Variants in XXYLT1 observed in about 807,000 individuals in gnomAD.
XXYLT1 encodes xyloside xylosyltransferase 1.
Under a neutral mutation model 28.9 loss-of-function variants are expected in XXYLT1, and 20 were observed. The observed-to-expected ratio is 0.69, with a 90% confidence interval of 0.49 to 1.00. The LOEUF (loss-of-function observed/expected upper bound fraction) is 1.00. XXYLT1 is among the 50% of genes least tolerant of loss of function. The pLI, the probability that XXYLT1 is intolerant of heterozygous loss-of-function variation, is 0.00. For synonymous variants in XXYLT1, 257 were observed against 253.8 expected, an observed-to-expected ratio of 1.01 and a Z score of -0.12; for missense variants, 542 against 560.1, an observed-to-expected ratio of 0.97 and a Z score of 0.33.
chr3:195,088,167 C>T, intron 3 of XXYLT1, among the ~76,000 whole-genome samples: 1 of 151,652 alleles, frequency 6.6e-6, no homozygotes, highest in East Asian at 2.0e-4. Flanking sequence ...GAAGCTCGAA[C>T]TGGGTGGAGC....
At chr3:195,222,873 C>T (rs1436522130) in intron 2 of XXYLT1, among the ~76,000 whole-genome samples, 4 of 151,994 alleles carry the variant, frequency 2.6e-5, no homozygotes. Context: ...TAGGATAACT[C>T]CTACTTTGCC....
Position 195,115,956 on chromosome 3 carries a change from C to G in XXYLT1, c.785+40493G>C, listed in dbSNP as rs1560104444. On this transcript the variant is annotated intron_variant, in intron 3 of 3. Coordinates refer to ENST00000310380, the MANE Select transcript of XXYLT1 (RefSeq NM_152531.5). This position sits in a 1 kb window ranked among gnomAD's most constrained non-coding sequence, Gnocchi z 4.2. ...GGGCCGCTCAGGAGATGGCAGGAAA[C>G]TCAAGTCAGGCAGCTGAAGCATGCA... is the stretch of plus-strand genomic sequence containing the variant. 6.6e-6 allele frequency among the ~76,000 whole-genome samples: 1 copy of G among 152,142 alleles called. No individual in the cohort carries two copies. Among genetic ancestry groups the G allele is most frequent in the Non-Finnish European group, 1.5e-5 (1 of 68,032 alleles).
intron 3 of XXYLT1, among the ~76,000 whole-genome samples, chr3:195,131,981 A>G (rs1398340609): frequency 2.0e-5 from 3 of 152,216 alleles, no homozygotes; most frequent in African/African-American, 7.2e-5. Flanking sequence ...AGCAGGCCCA[A>G]GAGGAAGATG....
chr3:195,080,898 C>T (rs1715396825), intron 3 of XXYLT1, among the ~76,000 whole-genome samples: 1 of 152,198 alleles, frequency 6.6e-6, no homozygotes, highest in Admixed American at 6.5e-5. Flanking sequence ...CAGTATGACC[C>T]CCGGCTGCAA....
intron 2 of XXYLT1, among the ~76,000 whole-genome samples, 156 bp downstream of exon 2, chr3:195,226,553 C>T (rs924310453): frequency 2.6e-4 from 38 of 148,698 alleles, no homozygotes; most frequent in African/African-American, 8.4e-4. Flanking sequence ...GTAGGAAGCT[C>T]GGTGGTACAA....
At chr3:195,126,496 A>C (rs1459189282) in intron 3 of XXYLT1, among the ~76,000 whole-genome samples, 1 of 152,254 alleles carries the variant, frequency 6.6e-6, no homozygotes, top group South Asian at 2.1e-4. Context: ...ATGAAGGCAC[A>C]GTTCCTGCTC....
At chr3:195,084,541 T>C (rs563580797) in intron 3 of XXYLT1, among the ~76,000 whole-genome samples, 3 of 152,358 alleles carry the variant, frequency 2.0e-5, no homozygotes, top group Non-Finnish European at 4.4e-5. Context: ...AGCCTCAGTG[T>C]AATGTATTTC....
intron 3 of XXYLT1, among the ~76,000 whole-genome samples, chr3:195,112,460 GCACACCCACA>G (rs1393138493): frequency 1.4e-5 from 2 of 145,088 alleles, no homozygotes; most frequent in African/African-American, 5.2e-5. Context: ...ACACGCATGT[GCACACCCACA>G]CACATGCACA....
chr3:195,143,864 A>G (rs1174609458), intron 3 of XXYLT1, among the ~76,000 whole-genome samples: 1 of 83,982 alleles, frequency 1.2e-5, no homozygotes, highest in Admixed American at 1.2e-4. Flanking sequence ...AGATATATAT[A>G]GATATAGATA....
At chr3:195,246,624 C>G (rs1047719089) in intron 1 of XXYLT1, among the ~76,000 whole-genome samples, 58 of 152,104 alleles carry the variant, frequency 3.8e-4, no homozygotes, top group Non-Finnish European at 8.1e-4. Flanking sequence ...GGGTGAGCCC[C>G]GGACACTCCT....
At position 195,156,561 on chromosome 3, in the gene XXYLT1, G is replaced by A. The variant is rs777124050; in HGVS notation, c.673C>T (p.Leu225=). The change falls in exon 3 of 4, where the codon CTG becomes TTG. Residue 225 remains leucine, a synonymous_variant. Transcript: ENST00000310380. ...MPKEILQIIQ[L]DLDLKFKTNI... is the part of the protein sequence containing the mutation. ...GTCTTAAACTTCAGGTCTAGGTCCAGCTGAATGATCTGCAGGATCTCTGCG... is the reference window on the plus strand; with the variant it reads ...GTCTTAAACTTCAGGTCTAGGTCCAACTGAATGATCTGCAGGATCTCTGCG... 3 of 1,614,226 alleles carry A rather than the reference G, an allele frequency of 1.9e-6. No homozygotes were observed. The highest frequency in any genetic ancestry group is 2.2e-5 in the East Asian group (1 of 44,882).
intron 3 of XXYLT1, among the ~76,000 whole-genome samples, chr3:195,088,960 A>G (rs1302247006): frequency 6.6e-6 from 1 of 152,146 alleles, no homozygotes; most frequent in Non-Finnish European, 1.5e-5. Context: ...ATGAAGCAAG[A>G]AGGGAAGTTT....
intron 2 of XXYLT1, among the ~76,000 whole-genome samples, chr3:195,177,189 G>T (rs576747371): frequency 2.0e-5 from 3 of 152,272 alleles, no homozygotes; most frequent in African/African-American, 7.2e-5. Flanking sequence ...ATTAACTCGC[G>T]TAGTTCTACT....
chr3:195,245,095 G>A (rs888430584), intron 1 of XXYLT1, among the ~76,000 whole-genome samples: 3 of 151,488 alleles, frequency 2.0e-5, no homozygotes, highest in African/African-American at 7.3e-5. Flanking sequence ...GAACCTGGGA[G>A]ACGGAGGTTG....
intron 3 of XXYLT1, among the ~76,000 whole-genome samples, chr3:195,072,488 C>T (rs949579309): frequency 5.3e-5 from 8 of 151,950 alleles, no homozygotes; most frequent in Non-Finnish European, 1.0e-4. Context: ...AGATGGGGGC[C>T]GCAGGCAGAG....
At chr3:195,251,130 A>G (rs965608185) in intron 1 of XXYLT1, among the ~76,000 whole-genome samples, 6 of 152,246 alleles carry the variant, frequency 3.9e-5, no homozygotes, top group African/African-American at 1.4e-4. Flanking sequence ...GGAAGGAGAC[A>G]GCCAAGTCAT....
At position 195,261,543 on chromosome 3, in the gene XXYLT1, T is replaced by G. The variant is rs146787159; in HGVS notation, c.504+9012A>C. Among the ~76,000 whole-genome samples, 149 of 152,338 alleles carry G rather than the reference T, an allele frequency of 9.8e-4. 1 individual carries two copies. The highest frequency in any genetic ancestry group is 3.5e-3 in the African/African-American group (144 of 41,578). On this transcript the variant is annotated intron_variant, in intron 1 of 3. Coordinates refer to ENST00000310380, the MANE Select transcript of XXYLT1 (RefSeq NM_152531.5). ...TCTCCTCATCAAGACTTCATACTGG[T>G]AAACATCCCCTTGCTGACTTCAGGC...
chr3:195,186,895 A>C (rs1722219668), intron 2 of XXYLT1, among the ~76,000 whole-genome samples: 1 of 148,660 alleles, frequency 6.7e-6, no homozygotes, highest in Non-Finnish European at 1.5e-5. Flanking sequence ...CACTGGCTGA[A>C]GTTTTTTTTT....
intron 1 of XXYLT1, among the ~76,000 whole-genome samples, chr3:195,233,149 T>G (rs1724372300): frequency 6.6e-6 from 1 of 152,216 alleles, no homozygotes; most frequent in African/African-American, 2.4e-5. Flanking sequence ...TTTATATTTT[T>G]TTCTTGAAAT....
Sources: gnomAD v4.1 joint callset for allele counts (sites outside exome capture counted in the v4.1 genomes callset) on GRCh38, gnomAD v4.1.1 for gene constraint, Gnocchi (gnomAD v3.1) non-coding constraint, MANE v1.5 for transcripts, NCBI Gene and HGNC (gene_info 2026-07-23, HGNC 2026-07-21) for gene names.